DEGS2: variants seen among roughly 807,000 people sequenced by gnomAD.
The protein encoded by DEGS2 is delta 4-desaturase, sphingolipid 2.
DEGS2 carries 19 observed loss-of-function variants against 23.8 expected under a neutral mutation model. The observed-to-expected ratio is 0.80, with a 90% CI of 0.56 to 1.17. The LOEUF (loss-of-function observed/expected upper bound fraction) is 1.17. Ranked by LOEUF, DEGS2 falls within the 50% of genes most tolerant of loss-of-function variation. The pLI, the probability that DEGS2 is intolerant of heterozygous loss-of-function variation, is 0.00. For missense variants in DEGS2, 390 were observed against 459.5 expected (o/e 0.85, Z 1.38); for synonymous variants, 218 against 213.7 (o/e 1.02, Z -0.18).
chr14:100,147,959 G>A (rs942760054), intron 2 of DEGS2, among the ~76,000 whole-genome samples: 2 of 152,164 alleles, frequency 1.3e-5, no homozygotes, highest in Non-Finnish European at 2.9e-5. Context: ...TGGATGAGGA[G>A]GCAGCTGCCT....
At chr14:100,166,286 G>GGGGGGAGGCTGCCCGGGGCTGT in the DEGS2 span, among the ~76,000 whole-genome samples, 1 of 19,158 alleles carries the variant, frequency 5.2e-5, no homozygotes, top group Non-Finnish European at 1.1e-4. Context: ...CTGGGGGAGT[G>GGGGGGAGGCTGCCCGGGGCTGT]GGGGGAGCCT....
Position 100,149,048 on chromosome 14 carries a change from G to A in DEGS2, c.745C>T (p.Leu249Phe). The A allele has an allele frequency of 6.2e-7, 1 of 1,612,916 alleles. No individual in the cohort carries two copies. The highest frequency in any genetic ancestry group is 8.5e-7 in the Non-Finnish European group (1 of 1,180,002). Reference sequence around the variant, plus strand: ...CCCACATTGAAGGTGATCCAGTTGAGAGGCCCATAGTAGGAGTAGGTCTCG... The same window carrying A: ...CCCACATTGAAGGTGATCCAGTTGAAAGGCCCATAGTAGGAGTAGGTCTCG... ...GHETYSYYGP[L>F]NWITFNVGYH... Residue 249 changes from leucine to phenylalanine, a missense_variant, in exon 2 of 3, where the codon CTC (leucine) becomes TTC (phenylalanine). Transcript: ENST00000305631.
At chr14:100,148,041 T>G (rs1172947038) in intron 2 of DEGS2, among the ~76,000 whole-genome samples, 1 of 152,176 alleles carries the variant, frequency 6.6e-6, no homozygotes, top group Non-Finnish European at 1.5e-5. Context: ...CCAGCCGGAA[T>G]GGAGGGCACA....
Position 100,143,975 on chromosome 14 carries a change from A to ATATT in DEGS2, c.*2782_*2785dup. On this transcript the variant is annotated 3_prime_UTR_variant, in exon 3 of 3. Coordinates refer to ENST00000305631, the MANE Select transcript of DEGS2 (RefSeq NM_206918.3). ...GGTCTGCTCGTCTTTTTTGTGTTTTATATTTGCTTATTTAAGGTACATTTC... is the reference window on the plus strand; with the variant it reads ...GGTCTGCTCGTCTTTTTTGTGTTTTATATTTATTTGCTTATTTAAGGTACATTTC... 3 of 536,552 alleles carry ATATT rather than the reference A, an allele frequency of 5.6e-6. No individual in the cohort carries two copies. Among genetic ancestry groups the ATATT allele is most frequent in the Non-Finnish European group, 9.9e-6 (3 of 303,664 alleles). The allele number at this position is 536,552 out of a possible 1,614,324, so 33.2% of individuals were successfully genotyped here.
Position 100,149,007 on chromosome 14 carries a change from G to A in DEGS2, c.786C>T (p.His262=). The change falls in exon 2 of 3, where the codon CAC becomes CAT. Residue 262 remains histidine, a synonymous_variant. Transcript: ENST00000305631. ...AGCCCGGGATGCTGGGGAAGTCGTG[G>A]TGCTCCACGTGGTAGCCCACATTGA... The part of the protein sequence containing the change: ...ITFNVGYHVE[H]HDFPSIPGYN... 2 of 1,612,794 alleles carry A rather than the reference G, an allele frequency of 1.2e-6. No homozygotes were observed. The highest frequency in any genetic ancestry group is 1.7e-6 in the Non-Finnish European group (2 of 1,179,948).
At chr14:100,154,637 A>G (rs186331271) in intron 1 of DEGS2, among the ~76,000 whole-genome samples, 1 of 152,388 alleles carries the variant, frequency 6.6e-6, no homozygotes, top group Admixed American at 6.5e-5. Flanking sequence ...AGCCAGAGGC[A>G]GGGCCTGCTG....
At chr14:100,151,883 T>C (rs1402420316) in intron 1 of DEGS2, among the ~76,000 whole-genome samples, 1 of 152,116 alleles carries the variant, frequency 6.6e-6, no homozygotes, top group Non-Finnish European at 1.5e-5. Context: ...AGATCTACCA[T>C]CTTCAGCTCC....
rs565623697 is a variant in DEGS2, at chr14:100,151,013, ACTCTGGGCTGTTTC to A, written c.83-1317_83-1304del. ...ATGCCCCTAAGTCCCCTCTGAGTGG[ACTCTGGGCTGTTTC>A]CAGTGTGGCACATCTGGCAAGAGGC... On this transcript the variant is annotated intron_variant, in intron 1 of 2. Coordinates refer to ENST00000305631, the MANE Select transcript of DEGS2 (RefSeq NM_206918.3). Among the ~76,000 whole-genome samples, 601 of 151,736 alleles carry A rather than the reference ACTCTGGGCTGTTTC, an allele frequency of 4.0e-3. 6 individuals are homozygous for A. The highest frequency in any genetic ancestry group is 0.014 in the African/African-American group (587 of 41,304).
chr14:100,166,356 G>A, the DEGS2 span, among the ~76,000 whole-genome samples: 8 of 136,146 alleles, frequency 5.9e-5, no homozygotes, highest in South Asian at 2.3e-4. Context: ...GGGCTGTGGG[G>A]GGAGCCTGCC....
chr14:100,147,890 ACCT>A (rs1340305755), intron 2 of DEGS2, among the ~76,000 whole-genome samples: 1 of 151,596 alleles, frequency 6.6e-6, no homozygotes, highest in East Asian at 1.9e-4. Flanking sequence ...CCGCCCCGTC[ACCT>A]CCTGAGGCGG....
chr14:100,166,729 CT>C, the DEGS2 span, among the ~76,000 whole-genome samples: 1 of 152,112 alleles, frequency 6.6e-6, no homozygotes, highest in African/African-American at 2.4e-5. Flanking sequence ...GTCAGCAGGA[CT>C]TTATCTGATA....
At chr14:100,156,606 C>T (rs1407379294) in intron 1 of DEGS2, among the ~76,000 whole-genome samples, 2 of 152,194 alleles carry the variant, frequency 1.3e-5, no homozygotes, top group African/African-American at 4.8e-5. Flanking sequence ...GGGTCCTTGC[C>T]AGGGGTTCAG....
chr14:100,166,352 TGGGG>T, the DEGS2 span, among the ~76,000 whole-genome samples: 327 of 44,666 alleles, frequency 7.3e-3, 18 homozygotes, highest in Non-Finnish European at 0.01. Flanking sequence ...CCCGGGGCTG[TGGGG>T]GGAGCCTGCC....
Position 100,146,869 on chromosome 14 carries a change from C to A in DEGS2, c.864G>T (p.Pro288=), listed in dbSNP as rs1269545230. The change falls in exon 3 of 3, where the codon CCG becomes CCT. Residue 288 remains proline (P), a synonymous_variant. Coordinates refer to ENST00000305631, the MANE Select transcript of DEGS2 (RefSeq NM_206918.3). ...GCACCTTCACCCAGGAGTGGTGCTG[C>A]GGCAGGTGGTCGTAGTACTCGGGCG... The part of the protein sequence containing the change: ...KIAPEYYDHL[P]QHHSWVKVLW... 6.2e-7 allele frequency: 1 copy of A among 1,613,538 alleles called. No homozygotes were observed. The highest frequency in any genetic ancestry group is 2.2e-5 in the East Asian group (1 of 44,854).
chr14:100,149,670 C>G lies in DEGS2; in HGVS notation c.123G>C (p.Pro41=). Reference sequence around the variant, plus strand: ...GCACCAGCACCGCCCACTTGAGGCGCGGGTCTGGCCGCATCAGGGCCTTGA... The same window carrying G: ...GCACCAGCACCGCCCACTTGAGGCGGGGGTCTGGCCGCATCAGGGCCTTGA... ...PAIKALMRPD[P]RLKWAVLVLV... The change falls in exon 2 of 3, where the codon CCG becomes CCC. Residue 41 remains proline (P), a synonymous_variant. Transcript: ENST00000305631. 6.2e-7 allele frequency: 1 copy of G among 1,610,242 alleles called. No homozygotes were observed. Among genetic ancestry groups the G allele is most frequent in the Non-Finnish European group, 8.5e-7 (1 of 1,178,594 alleles).
chr14:100,163,999 T>TA (rs1889778472), upstream of DEGS2, among the ~76,000 whole-genome samples: 1 of 152,114 alleles, frequency 6.6e-6, no homozygotes, highest in Non-Finnish European at 1.5e-5. Context: ...CAGATTAACT[T>TA]AAGCCCCGGA....
rs757763078 is a variant in DEGS2, at chr14:100,149,379, G to A, written c.414C>T (p.Asp138=). ...HVDHHRYLGG[D]GLDVDVPTRL... ...GCGTGGGCACGTCCACGTCCAGCCC[G>A]TCGCCGCCCAGGTAGCGGTGGTGGT... The change falls in exon 2 of 3, where the codon GAC becomes GAT. Residue 138 remains aspartate (D), a synonymous_variant. Coordinates refer to ENST00000305631, the MANE Select transcript of DEGS2 (RefSeq NM_206918.3). 22 of 1,605,470 alleles carry A rather than the reference G, an allele frequency of 1.4e-5. No individual in the cohort carries two copies. Among genetic ancestry groups the A allele is most frequent in the Middle Eastern group, 3.3e-4 (2 of 6,046 alleles).
chr14:100,156,869 C>T (rs1232948626), intron 1 of DEGS2, among the ~76,000 whole-genome samples: 1 of 152,188 alleles, frequency 6.6e-6, no homozygotes, highest in Non-Finnish European at 1.5e-5. Context: ...TGGCACATTC[C>T]AAATTTATTA....
upstream of DEGS2, among the ~76,000 whole-genome samples, chr14:100,163,207 C>T (rs1394469465): frequency 6.6e-6 from 1 of 152,106 alleles, no homozygotes; most frequent in Non-Finnish European, 1.5e-5. Context: ...TTTGGGATGC[C>T]GAGGCGGGTG....
Sources: allele counts gnomAD v4.1 joint callset (sites outside exome capture counted in the v4.1 genomes callset), GRCh38; gene constraint gnomAD v4.1.1; transcripts MANE v1.5; gene names NCBI Gene and HGNC (gene_info 2026-07-23, HGNC 2026-07-21).